Variants in RASA4 observed in about 807,000 individuals in gnomAD.
RASA4 encodes ras GTPase-activating protein 4.
In RASA4, 5 loss-of-function variants were observed where a neutral mutation model predicts 24.0. That is an observed-to-expected ratio of 0.21 (90% CI 0.11 to 0.44). RASA4 has a LOEUF of 0.44. Ranked by LOEUF, RASA4 falls within the 20% of genes least tolerant of loss-of-function variation. RASA4 has a pLI of 0.99. For synonymous variants in RASA4, 9 were observed against 132.7 expected, an observed-to-expected ratio of 0.07 and a Z score of 6.41; for missense variants, 38 against 293.0, an observed-to-expected ratio of 0.13 and a Z score of 6.35.
At chr7:102,594,916 G>A (rs1431916114) in intron 11 of RASA4, among the ~76,000 whole-genome samples, 1 of 54,742 alleles carries the variant, frequency 1.8e-5, no homozygotes, top group Non-Finnish European at 5.8e-5. Flanking sequence ...AGTCTAGCAC[G>A]GGGCCCAGGC....
intron 18 of RASA4, among the ~76,000 whole-genome samples, chr7:102,587,115 CAACAACA>C (rs1789795145): frequency 4.0e-5 from 1 of 25,028 alleles, no homozygotes; most frequent in African/African-American, 1.1e-4. Context: ...ACAACAACAA[CAACAACA>C]ACAACAACAA....
intron 16 of RASA4, among the ~76,000 whole-genome samples, chr7:102,591,836 C>T (rs1384778843): frequency 3.6e-5 from 5 of 138,328 alleles, no homozygotes; most frequent in African/African-American, 1.4e-4. Flanking sequence ...CCTCCATATT[C>T]ATTTTTTTTT....
In RASA4 at chr7:102,579,941, T is replaced by TTTTG. The variant is rs3988065; in HGVS notation, c.*2826_*2829dup. ...GCTTACAACACAACTGCAATATCTT[T>TTTTG]TTTGTTTGTTTGTTTGTTTTTGTAA... is the stretch of plus-strand genomic sequence containing the variant. On this transcript the variant is annotated 3_prime_UTR_variant, in exon 21 of 21. Transcript: ENST00000262940. 3.6e-5 allele frequency: 5 copies of TTTTG among 138,148 alleles called. No homozygotes were observed. Among genetic ancestry groups the TTTTG allele is most frequent in the Non-Finnish European group, 6.4e-5 (4 of 62,862 alleles). The allele number at this position is 138,148 out of a possible 1,614,324, so 8.6% of individuals were successfully genotyped here.
intron 11 of RASA4, 44 bp downstream of exon 11, chr7:102,595,261 T>G (rs200503327): frequency 0.28 from 306,676 of 1,088,836 alleles, 28,965 homozygotes; most frequent in East Asian, 0.42. Flanking sequence ...TGAAGCTCAG[T>G]GTTGTCATTT....
At position 102,580,873 on chromosome 7, in the gene RASA4, T is replaced by G. The variant is rs1789663621; in HGVS notation, c.*1898A>C. The G allele has an allele frequency of 1.5e-5, 2 of 135,212 alleles. No homozygotes were observed. The highest frequency in any genetic ancestry group is 3.2e-5 in the Non-Finnish European group (2 of 61,950). 8.4% of individuals were successfully genotyped at this position (135,212 alleles called of 1,614,324 possible). A position where few individuals can be genotyped will look rare whatever the true frequency, so the allele number is the denominator to read the frequency against. ...AAAAAAAAAAAAAAAAACTATAAAG[T>G]TCCCCTTCATCTGAAAATTGAATGT... On this transcript the variant is annotated 3_prime_UTR_variant, in exon 21 of 21. Transcript: ENST00000262940.
At chr7:102,597,706 G>A (rs1450300937) in intron 8 of RASA4, among the ~76,000 whole-genome samples, 2 of 142,386 alleles carry the variant, frequency 1.4e-5, no homozygotes, top group Non-Finnish European at 3.2e-5. Context: ...TTACAGGCAT[G>A]AGCCACCGCA....
At chr7:102,590,734 A>G (rs1789940527) in intron 16 of RASA4, among the ~76,000 whole-genome samples, 1 of 145,646 alleles carries the variant, frequency 6.9e-6, no homozygotes, top group Admixed American at 6.8e-5. Flanking sequence ...TGAGGTTGGG[A>G]GTTCGAGACC....
At chr7:102,590,662 C>T (rs1226144842) in intron 16 of RASA4, among the ~76,000 whole-genome samples, 64 of 141,458 alleles carry the variant, frequency 4.5e-4, no homozygotes, top group Non-Finnish European at 6.8e-4. Flanking sequence ...ATATCCTGAC[C>T]GGGCGCAGTG....
intron 1 of RASA4, among the ~76,000 whole-genome samples, chr7:102,614,370 T>TGCA (rs1790983683): frequency 9.2e-6 from 1 of 108,626 alleles, no homozygotes; most frequent in Admixed American, 9.7e-5. Context: ...TTCCTGAGCC[T>TGCA]CAGTTTCCCA....
At position 102,610,542 on chromosome 7, in the gene RASA4, A is replaced by G. The variant is rs1215515942; in HGVS notation, c.122+544T>C. Among the ~76,000 whole-genome samples the G allele has an allele frequency of 1.1e-4, 17 of 149,340 alleles. No individual in the cohort carries two copies. The East Asian group carries it at 3.4e-3, about 30-fold the overall frequency. On this transcript the variant is annotated intron_variant, in intron 2 of 20. Coordinates refer to ENST00000262940, the MANE Select transcript of RASA4 (RefSeq NM_006989.6). ...CTGGGGTTGCCCAGCCTCGAGGGAT[A>G]TTACTATGGGACTCTCAGGGGACAG...
At chr7:102,591,326 G>A (rs1335141403) in intron 16 of RASA4, among the ~76,000 whole-genome samples, 3 of 19,978 alleles carry the variant, frequency 1.5e-4, no homozygotes, top group African/African-American at 2.8e-4. Flanking sequence ...GTCTTTGGTC[G>A]GAAGGGGCGG....
intron 16 of RASA4, among the ~76,000 whole-genome samples, chr7:102,590,622 T>C (rs1586836531): frequency 1.5e-5 from 2 of 131,698 alleles, no homozygotes; most frequent in South Asian, 4.7e-4. Flanking sequence ...ATTTTCCAAC[T>C]TGCTTTTGTA....
chr7:102,585,849 GTTTT>G (rs1327458695), intron 18 of RASA4, among the ~76,000 whole-genome samples: 2 of 133,516 alleles, frequency 1.5e-5, no homozygotes, highest in African/African-American at 5.2e-5. Context: ...TTTTTTTTTT[GTTTT>G]TTTGTTTTTT....
intron 5 of RASA4, among the ~76,000 whole-genome samples, chr7:102,603,180 C>T (rs1443672459): frequency 7.3e-4 from 102 of 139,348 alleles, no homozygotes; most frequent in Non-Finnish European, 1.2e-3. Context: ...AGGCTGCCGT[C>T]GAACTCCTGA....
intron 5 of RASA4, among the ~76,000 whole-genome samples, chr7:102,602,640 C>A (rs1238566666): frequency 1.1e-5 from 1 of 87,112 alleles, no homozygotes; most frequent in Non-Finnish European, 2.2e-5. Flanking sequence ...TGGGTCCTTC[C>A]CACCAGGCAG....
chr7:102,580,831 A>T lies in RASA4; in HGVS notation c.*1940T>A. The T allele has an allele frequency of 1.3e-5, 1 of 75,938 alleles. No homozygotes were observed. The highest frequency in any genetic ancestry group is 2.9e-5 in the Non-Finnish European group (1 of 33,914). 4.7% of individuals were successfully genotyped at this position (75,938 alleles called of 1,614,324 possible). ...GCACTCCAGCCTGGGCAACACAGTG[A>T]GACTCTGTCTCAAAAAAAAAAAAAA... On this transcript the variant is annotated 3_prime_UTR_variant, in exon 21 of 21. Transcript: ENST00000262940.
intron 18 of RASA4, among the ~76,000 whole-genome samples, chr7:102,585,865 T>TTTTTTTG (rs1789761419): frequency 5.4e-5 from 8 of 148,118 alleles, no homozygotes; most frequent in African/African-American, 1.8e-4. Flanking sequence ...TTGTTTTTTT[T>TTTTTTTG]TTTTTGAGAT....
At chr7:102,590,917 G>C (rs1483694373) in intron 16 of RASA4, among the ~76,000 whole-genome samples, 7 of 143,716 alleles carry the variant, frequency 4.9e-5, no homozygotes, top group Non-Finnish European at 9.0e-5. Flanking sequence ...TCTGGCCTGG[G>C]CAACAAAAGC....
At chr7:102,604,846 C>T (rs1159795365) in intron 5 of RASA4, among the ~76,000 whole-genome samples, 3 of 137,150 alleles carry the variant, frequency 2.2e-5, no homozygotes, top group Non-Finnish European at 5.0e-5. Context: ...GTGGGGGGAA[C>T]ACTGGCTCCA....
Sources: allele counts gnomAD v4.1 joint callset (sites outside exome capture counted in the v4.1 genomes callset), GRCh38; gene constraint gnomAD v4.1.1; transcripts MANE v1.5; gene names NCBI Gene and HGNC (gene_info 2026-07-23, HGNC 2026-07-21).